The following SYT14 variants were observed in gnomAD, a reference collection of about 807,000 sequenced individuals.
SYT14 encodes synaptotagmin 14.
Under a neutral mutation model 74.2 loss-of-function variants are expected in SYT14, and 32 were observed. The ratio of observed to expected loss-of-function variants is 0.43; its 90% CI spans 0.33 to 0.58. The LOEUF (loss-of-function observed/expected upper bound fraction) is 0.58, where lower values mean the gene tolerates loss of function less well. Among genes scored for constraint, SYT14 ranks in the 20% least tolerant of loss-of-function variants. The probability of loss-of-function intolerance (pLI) is 0.05; values close to 1 mark genes in which losing one functional copy is unlikely to be tolerated. For missense variants in SYT14, 791 were observed against 981.8 expected (o/e 0.81, Z 2.60); for synonymous variants, 298 against 337.7 (o/e 0.88, Z 1.29).
At chr1:210,014,313 C>T (rs148728311) in intron 3 of SYT14, among the ~76,000 whole-genome samples, 2,343 of 151,646 alleles carry the variant, frequency 0.015, 26 homozygotes, top group Middle Eastern at 0.048. Context: ...AAATAGTGTT[C>T]CACTCCCTCC....
At chr1:210,059,439 T>TAGAGAGAG (rs1394279839) in intron 5 of SYT14, among the ~76,000 whole-genome samples, 33 of 92,756 alleles carry the variant, frequency 3.6e-4, no homozygotes, top group East Asian at 8.4e-4. Flanking sequence ...TATATATATA[T>TAGAGAGAG]ATATATATAT....
At chr1:210,165,371 A>C (rs1193697064) in exon 10 of SYT14, 1 of 152,200 alleles carries the variant, frequency 6.6e-6, no homozygotes, top group Non-Finnish European at 1.5e-5. Flanking sequence ...CTCAGGACAC[A>C]AGTGGTGGTA....
chr1:210,089,221 A>G (rs908098348), intron 5 of SYT14, among the ~76,000 whole-genome samples: 5 of 152,056 alleles, frequency 3.3e-5, no homozygotes, highest in African/African-American at 1.2e-4. Flanking sequence ...ATCCTTTTCT[A>G]TGGCTGCATA....
At chr1:210,055,209 T>C (rs1418927417) in intron 5 of SYT14, among the ~76,000 whole-genome samples, 2 of 152,224 alleles carry the variant, frequency 1.3e-5, no homozygotes, top group African/African-American at 4.8e-5. Context: ...TGTGATATAA[T>C]AAACTTTTCA....
intron 5 of SYT14, among the ~76,000 whole-genome samples, chr1:210,071,769 T>C (rs953300301): frequency 1.0e-5 from 1 of 95,982 alleles, no homozygotes; most frequent in African/African-American, 7.8e-5. Flanking sequence ...ATAATCCGAA[T>C]AATTTTACTG....
intron 2 of SYT14, among the ~76,000 whole-genome samples, chr1:209,993,573 A>G (rs944788503): frequency 1.3e-5 from 2 of 152,048 alleles, no homozygotes; most frequent in Non-Finnish European, 2.9e-5. Context: ...CAGGGTGGGA[A>G]CCAGACATGC....
At chr1:210,014,615 T>G (rs1312967692) in intron 3 of SYT14, among the ~76,000 whole-genome samples, 1 of 152,150 alleles carries the variant, frequency 6.6e-6, no homozygotes, top group Non-Finnish European at 1.5e-5. Context: ...CTCTTACATT[T>G]GATAACTTAA....
intron 7 of SYT14, among the ~76,000 whole-genome samples, chr1:210,147,458 G>T (rs2083064759): frequency 6.6e-6 from 1 of 152,056 alleles, no homozygotes; most frequent in Admixed American, 6.6e-5. Flanking sequence ...TACAGTGAAA[G>T]GATAAAATAC....
intron 7 of SYT14, 141 bp from the exon 7 acceptor site, chr1:210,155,580 A>T (rs2083251983): frequency 1.2e-6 from 1 of 862,396 alleles, no homozygotes; most frequent in Non-Finnish European, 1.8e-6. Context: ...TGCTAAGGAC[A>T]ATAATTCTAA....
At chr1:210,037,781 C>T (rs2080701256) in intron 5 of SYT14, among the ~76,000 whole-genome samples, 1 of 151,812 alleles carries the variant, frequency 6.6e-6, no homozygotes, top group African/African-American at 2.4e-5. Flanking sequence ...TAATTTTATT[C>T]CACTCTGGTC....
intron 2 of SYT14, among the ~76,000 whole-genome samples, chr1:210,000,500 A>ACACACACACACACACACACACAC (rs3031236): frequency 6.6e-6 from 1 of 150,508 alleles, no homozygotes; most frequent in African/African-American, 2.5e-5. Context: ...ACACACACAC[A>ACACACACACACACACACACACAC]ATCTAAGAAA....
At chr1:210,018,781 GC>G (rs2080240299) in intron 4 of SYT14, among the ~76,000 whole-genome samples, 1 of 152,056 alleles carries the variant, frequency 6.6e-6, no homozygotes, top group Non-Finnish European at 1.5e-5. Context: ...CCTTCATTTA[GC>G]TGAATGGTAA....
chr1:210,017,037 C>G lies in SYT14; in HGVS notation c.1034C>G (p.Ser345Cys), dbSNP rs1350877340. ...AAACCAAAGAAAACTGAGGCCATTTCTGCCAAGAAAGGAACAGCAAAGAGT... is the reference window on the plus strand; with the variant it reads ...AAACCAAAGAAAACTGAGGCCATTTGTGCCAAGAAAGGAACAGCAAAGAGT... The change falls in exon 4 of 10, where the codon TCT (serine) becomes TGT (cysteine). Residue 345 changes from serine (S) to cysteine (C), a missense_variant. Physicochemically the swap from Ser to Cys is moderately radical, Grantham distance 112. Coordinates refer to ENST00000637265, the Ensembl canonical transcript of SYT14. 4 of 1,231,624 alleles carry G rather than the reference C, an allele frequency of 3.2e-6. No individual in the cohort carries two copies. In the East Asian group the frequency reaches 1.3e-4, roughly 39 times the overall value. The allele number at this position is 1,231,624 out of a possible 1,614,324, so 76.3% of individuals were successfully genotyped here. A position where few individuals can be genotyped will look rare whatever the true frequency, so the allele number is the denominator to read the frequency against.
rs114497082 is a variant in SYT14, at chr1:210,086,503, C to T, written c.1313-7819C>T. On this transcript the variant is annotated intron_variant, in intron 5 of 9. Transcript: ENST00000637265. Reference sequence around the variant, plus strand: ...TGATTTATTTGTCCTTTTGACATATCCCCATCAGTCTTTGAACATCTCCTC... The same window carrying T: ...TGATTTATTTGTCCTTTTGACATATTCCCATCAGTCTTTGAACATCTCCTC... Among the ~76,000 whole-genome samples the T allele has an allele frequency of 2.6e-5, 4 of 152,266 alleles. No homozygotes were observed. In the South Asian group the frequency reaches 8.3e-4, roughly 32 times the overall value.
intron 5 of SYT14, among the ~76,000 whole-genome samples, chr1:210,089,930 A>C (rs2081829610): frequency 6.6e-6 from 1 of 152,218 alleles, no homozygotes; most frequent in African/African-American, 2.4e-5. Context: ...CTGGGATTTA[A>C]ATAACCTCTA....
exon 10 of SYT14, chr1:210,161,557 A>G (rs1228129518): frequency 4.4e-6 from 2 of 453,996 alleles, no homozygotes; most frequent in Admixed American, 2.3e-5. Flanking sequence ...CACATTGAAA[A>G]TTGTTTTATT....
chr1:210,042,323 A>G (rs2080806553), intron 5 of SYT14, among the ~76,000 whole-genome samples: 1 of 152,170 alleles, frequency 6.6e-6, no homozygotes, highest in African/African-American at 2.4e-5. Flanking sequence ...GTTTAATTAA[A>G]AAATAAGTGG....
chr1:210,101,543 A>C (rs1404321132), intron 7 of SYT14, among the ~76,000 whole-genome samples: 1 of 152,068 alleles, frequency 6.6e-6, no homozygotes, highest in Non-Finnish European at 1.5e-5. Flanking sequence ...GTATATTCAT[A>C]TGGGTTTCTA....
intron 5 of SYT14, among the ~76,000 whole-genome samples, chr1:210,055,187 GATT>G (rs1482454906): frequency 6.6e-6 from 1 of 152,126 alleles, no homozygotes; most frequent in African/African-American, 2.4e-5. Context: ...TGTCTTCAGT[GATT>G]ATTATCTATG....
Sources: allele counts gnomAD v4.1 joint callset (sites outside exome capture counted in the v4.1 genomes callset), GRCh38; gene constraint gnomAD v4.1.1; transcripts MANE v1.5; gene names NCBI Gene and HGNC (gene_info 2026-07-23, HGNC 2026-07-21).